GMPR: variants seen among roughly 807,000 people sequenced by gnomAD.
GMPR encodes guanosine monophosphate reductase.
In GMPR, 31 loss-of-function variants were observed where a neutral mutation model predicts 38.4. The observed-to-expected ratio is 0.81, with a 90% confidence interval of 0.61 to 1.09. The LOEUF (loss-of-function observed/expected upper bound fraction) is 1.09. Ranked by LOEUF, GMPR falls within the 50% of genes least tolerant of loss-of-function variation. The pLI is 0.00. For synonymous variants in GMPR, 162 were observed against 173.3 expected, an observed-to-expected ratio of 0.93 and a Z score of 0.51; for missense variants, 468 against 453.7, an observed-to-expected ratio of 1.03 and a Z score of -0.29.
intron 4 of GMPR, among the ~76,000 whole-genome samples, chr6:16,270,116 C>A (rs547362243): frequency 6.6e-6 from 1 of 152,312 alleles, no homozygotes; most frequent in African/African-American, 2.4e-5. Flanking sequence ...CAGACCATAC[C>A]AACTTTTTAA....
intron 4 of GMPR, among the ~76,000 whole-genome samples, chr6:16,272,673 C>T (rs1759406309): frequency 6.6e-6 from 1 of 152,152 alleles, no homozygotes; most frequent in South Asian, 2.1e-4. Flanking sequence ...TTGGCACTTA[C>T]TCTGTGAGGT....
chr6:16,292,320 A>AT (rs1759855114), intron 8 of GMPR, among the ~76,000 whole-genome samples: 1 of 152,000 alleles, frequency 6.6e-6, no homozygotes, highest in Non-Finnish European at 1.5e-5. Flanking sequence ...AGTGGGGTGT[A>AT]TTCTACCAGA....
intron 8 of GMPR, among the ~76,000 whole-genome samples, chr6:16,291,650 C>T (rs1165750122): frequency 6.6e-6 from 1 of 152,162 alleles, no homozygotes; most frequent in East Asian, 1.9e-4. Flanking sequence ...GTGGCTCATG[C>T]TTGTAATCCC....
chr6:16,241,659 A>G (rs1475114211), intron 1 of GMPR, among the ~76,000 whole-genome samples: 1 of 152,178 alleles, frequency 6.6e-6, no homozygotes, highest in Non-Finnish European at 1.5e-5. Flanking sequence ...GGGAGCCTGC[A>G]TTCTCCCTGA....
At chr6:16,266,133 CCA>C (rs1581656018) in intron 4 of GMPR, among the ~76,000 whole-genome samples, 12 of 106,362 alleles carry the variant, frequency 1.1e-4, no homozygotes, top group Non-Finnish European at 1.5e-4. Flanking sequence ...GTAACACTTG[CCA>C]TCTTTAAGAG....
At chr6:16,286,481 G>A (rs1759681886) in intron 7 of GMPR, among the ~76,000 whole-genome samples, 1 of 152,088 alleles carries the variant, frequency 6.6e-6, no homozygotes. Context: ...AATGTGAAAT[G>A]GGCGTTGTGG....
At chr6:16,293,886 G>A (rs1476468228) in intron 8 of GMPR, among the ~76,000 whole-genome samples, 2 of 152,242 alleles carry the variant, frequency 1.3e-5, no homozygotes, top group African/African-American at 4.8e-5. Context: ...ATGGCCCTTA[G>A]ATGAGAGCTA....
intron 6 of GMPR, among the ~76,000 whole-genome samples, chr6:16,280,811 C>T (rs1350717998): frequency 2.0e-5 from 3 of 152,168 alleles, no homozygotes; most frequent in Non-Finnish European, 4.4e-5. Context: ...TAATGTTAAC[C>T]ATTGAGCATC....
At chr6:16,271,457 G>A (rs1407794809) in intron 4 of GMPR, among the ~76,000 whole-genome samples, 2 of 152,212 alleles carry the variant, frequency 1.3e-5, no homozygotes, top group African/African-American at 2.4e-5. Flanking sequence ...TTGCACTCCC[G>A]TCTGGGAGAC....
chr6:16,289,728 C>T (rs1404545875), intron 7 of GMPR, among the ~76,000 whole-genome samples: 1 of 150,948 alleles, frequency 6.6e-6, no homozygotes, highest in Admixed American at 6.6e-5. Flanking sequence ...GATGTATAAG[C>T]ACAGGGAGTG....
Position 16,295,382 on chromosome 6 carries a change from G to A in GMPR, c.*196G>A, listed in dbSNP as rs1406707101. On this transcript the variant is annotated 3_prime_UTR_variant, in exon 9 of 9. Transcript: ENST00000259727. ...TCTCGGGGCCCAGACGCAAGGCACCGATTGGGCCAACATCAGAGCCCTGCT... is the reference window on the plus strand; with the variant it reads ...TCTCGGGGCCCAGACGCAAGGCACCAATTGGGCCAACATCAGAGCCCTGCT... 4 of 457,674 alleles carry A rather than the reference G, an allele frequency of 8.7e-6. No individual in the cohort carries two copies. The highest frequency in any genetic ancestry group is 5.6e-5 in the South Asian group (1 of 17,706). 28.4% of individuals were successfully genotyped at this position (457,674 alleles called of 1,614,324 possible).
chr6:16,254,526 T>C, intron 3 of GMPR, 36 bp from the exon 4 acceptor site: 2 of 1,586,038 alleles, frequency 1.3e-6, no homozygotes, highest in Non-Finnish European at 8.7e-7. Context: ...TGAATGCTAC[T>C]GTTTATGCCT....
intron 6 of GMPR, among the ~76,000 whole-genome samples, chr6:16,284,085 T>C (rs1341477791): frequency 1.3e-5 from 2 of 152,220 alleles, no homozygotes; most frequent in Admixed American, 6.5e-5. Flanking sequence ...TGAAATAATA[T>C]TCCTCAGTGC....
chr6:16,245,676 A>G (rs990500833), intron 1 of GMPR, among the ~76,000 whole-genome samples: 1 of 152,228 alleles, frequency 6.6e-6, no homozygotes, highest in African/African-American at 2.4e-5. Context: ...AATGCGGGGC[A>G]TTCTGACACA....
chr6:16,267,632 A>AC (rs1759285599), intron 4 of GMPR, among the ~76,000 whole-genome samples: 1 of 152,118 alleles, frequency 6.6e-6, no homozygotes, highest in African/African-American at 2.4e-5. Context: ...TGTAACACTC[A>AC]CCGCAGCCGA....
chr6:16,254,104 T>C (rs1475215236), intron 3 of GMPR, among the ~76,000 whole-genome samples: 1 of 152,198 alleles, frequency 6.6e-6, no homozygotes, highest in Non-Finnish European at 1.5e-5. Context: ...CTAATTTTTA[T>C]ATTTTTAATA....
chr6:16,288,370 C>T (rs1270452798), intron 7 of GMPR, among the ~76,000 whole-genome samples: 1 of 152,220 alleles, frequency 6.6e-6, no homozygotes, highest in South Asian at 2.1e-4. Flanking sequence ...GCCCTGCCGG[C>T]CTCAGGCAAT....
At chr6:16,239,338 C>A (rs1280172226) in intron 1 of GMPR, among the ~76,000 whole-genome samples, 1 of 152,184 alleles carries the variant, frequency 6.6e-6, no homozygotes, top group African/African-American at 2.4e-5. Flanking sequence ...CGGTACTGGA[C>A]AGCCCGCGGT....
chr6:16,289,113 G>A (rs542375246), intron 7 of GMPR, among the ~76,000 whole-genome samples: 1 of 152,304 alleles, frequency 6.6e-6, no homozygotes, highest in African/African-American at 2.4e-5. Context: ...GTTGCTGCTC[G>A]GTCTTTAGGC....
Sources: allele counts gnomAD v4.1 joint callset (sites outside exome capture counted in the v4.1 genomes callset), GRCh38; gene constraint gnomAD v4.1.1; transcripts MANE v1.5; gene names NCBI Gene and HGNC (gene_info 2026-07-23, HGNC 2026-07-21).